Variants in GPC5 observed in about 807,000 individuals in gnomAD.
The protein encoded by GPC5 is glypican-5.
In GPC5, 47 loss-of-function variants were observed where a neutral mutation model predicts 53.9. That is an observed-to-expected ratio of 0.87 (90% CI 0.69 to 1.11). The LOEUF (loss-of-function observed/expected upper bound fraction) is 1.11. Ranked by LOEUF, GPC5 falls within the 50% of genes most tolerant of loss-of-function variation. The probability of loss-of-function intolerance (pLI) is 0.00; values close to 1 mark genes in which losing one functional copy is unlikely to be tolerated. For missense variants in GPC5, 748 were observed against 713.1 expected, an observed-to-expected ratio of 1.05 and a Z score of -0.56; for synonymous variants, 286 against 263.3, an observed-to-expected ratio of 1.09 and a Z score of -0.84.
At chr13:92,780,878 A>T (rs1418425196) in intron 7 of GPC5, among the ~76,000 whole-genome samples, 2 of 152,080 alleles carry the variant, frequency 1.3e-5, no homozygotes, top group South Asian at 2.1e-4. Flanking sequence ...AGCATAAAAA[A>T]TTCCCTAAAT....
chr13:92,386,285 A>G (rs16947520), intron 7 of GPC5, among the ~76,000 whole-genome samples: 2,427 of 152,148 alleles, frequency 0.016, 73 homozygotes, highest in African/African-American at 0.056. Context: ...ACCTTTTGCA[A>G]AACTAAACTT....
At chr13:92,393,483 C>T (rs1313564951) in intron 7 of GPC5, among the ~76,000 whole-genome samples, 1 of 152,082 alleles carries the variant, frequency 6.6e-6, no homozygotes, top group African/African-American at 2.4e-5. Context: ...AACCCTGTCT[C>T]TACTAAAAAT....
intron 4 of GPC5, among the ~76,000 whole-genome samples, chr13:91,748,916 A>T (rs1312752183): frequency 6.6e-6 from 1 of 152,078 alleles, no homozygotes; most frequent in Non-Finnish European, 1.5e-5. Context: ...ATGCGTGTAT[A>T]GGTGTGTGGG....
chr13:92,241,842 T>G (rs548638818), intron 7 of GPC5: 1 of 152,296 alleles, frequency 6.6e-6, no homozygotes, highest in South Asian at 2.1e-4. Flanking sequence ...ACTAGCTCCT[T>G]AAAAGAAATT....
chr13:92,757,274 C>A (rs1347387708), intron 7 of GPC5, among the ~76,000 whole-genome samples: 1 of 152,132 alleles, frequency 6.6e-6, no homozygotes, highest in African/African-American at 2.4e-5. Context: ...AACTGGCTAG[C>A]CATATGTAGA....
intron 7 of GPC5, among the ~76,000 whole-genome samples, chr13:92,416,118 TA>T (rs1876277872): frequency 6.6e-6 from 1 of 152,210 alleles, no homozygotes; most frequent in Non-Finnish European, 1.5e-5. Context: ...TGAATACTGC[TA>T]AGAGGCTTTC....
chr13:92,398,214 G>A (rs1875375933), intron 7 of GPC5, among the ~76,000 whole-genome samples: 1 of 151,580 alleles, frequency 6.6e-6, no homozygotes, highest in Admixed American at 6.6e-5. Flanking sequence ...CGGATCACGA[G>A]GTCAGGAGAT....
At chr13:91,652,259 G>A (rs1043981610) in intron 2 of GPC5, among the ~76,000 whole-genome samples, 1 of 151,502 alleles carries the variant, frequency 6.6e-6, no homozygotes, top group African/African-American at 2.4e-5. Flanking sequence ...TGTAAACTGA[G>A]GTGCACAAGC....
chr13:91,764,038 TA>T (rs538443532), intron 5 of GPC5, among the ~76,000 whole-genome samples: 44 of 152,332 alleles, frequency 2.9e-4, no homozygotes, highest in South Asian at 1.2e-3. Context: ...TATTTTTATA[TA>T]TTTTTTTCTT....
At chr13:91,822,923 ATAT>A (rs2038519242) in intron 5 of GPC5, among the ~76,000 whole-genome samples, 1 of 152,028 alleles carries the variant, frequency 6.6e-6, no homozygotes, top group African/African-American at 2.4e-5. Context: ...TATTAAATTA[ATAT>A]TATTCTCCTG....
intron 7 of GPC5, among the ~76,000 whole-genome samples, chr13:92,808,696 G>T (rs1340047531): frequency 6.6e-6 from 1 of 152,002 alleles, no homozygotes; most frequent in Non-Finnish European, 1.5e-5. Context: ...TGCAGCTCTA[G>T]AACATAAAAT....
chr13:92,242,232 C>CA (rs752173365), intron 7 of GPC5, among the ~76,000 whole-genome samples: 12,175 of 81,596 alleles, frequency 0.15, 1,094 homozygotes, highest in African/African-American at 0.3. Flanking sequence ...GACTCTGTCT[C>CA]AAAAAAAAAA....
intron 2 of GPC5, among the ~76,000 whole-genome samples, chr13:91,490,963 C>T (rs1201415758): frequency 6.6e-6 from 1 of 152,148 alleles, no homozygotes; most frequent in Non-Finnish European, 1.5e-5. Context: ...CCCCTTCCCC[C>T]ACCATAGGTC....
intron 7 of GPC5, chr13:92,340,424 A>T: frequency 6.6e-6 from 1 of 152,194 alleles, no homozygotes; most frequent in East Asian, 1.9e-4. Context: ...GAATCTCTCT[A>T]TGTCATCCGG....
In GPC5 at chr13:91,656,982, G is replaced by A. The variant is rs539294319; in HGVS notation, c.326-36205G>A. On this transcript the variant is annotated intron_variant, in intron 2 of 7. Coordinates refer to ENST00000377067, the MANE Select transcript of GPC5 (RefSeq NM_004466.6). ...AGGGTTTGTAATGGGAGAGACCTGG[G>A]AACAATCCAGGCTCTACTTCTTATT... Among the ~76,000 whole-genome samples the A allele has an allele frequency of 1.3e-4, 20 of 152,244 alleles. No homozygotes were observed. The South Asian group carries it at 3.9e-3, about 30-fold the overall frequency.
chr13:91,644,220 C>A (rs2034504422), intron 2 of GPC5, among the ~76,000 whole-genome samples: 1 of 152,082 alleles, frequency 6.6e-6, no homozygotes, highest in South Asian at 2.1e-4. Context: ...TATATGCAGG[C>A]ATTTTTCTAA....
rs1484191226 is a variant in GPC5 at position 92,751,302 on chromosome 13, TTAA to T, written c.1562-114979_1562-114977del. Among the ~76,000 whole-genome samples, 66 of 34,416 alleles carry T rather than the reference TTAA, an allele frequency of 1.9e-3. 2 individuals are homozygous for T. Among genetic ancestry groups the T allele is most frequent in the Admixed American group, 5.8e-3 (15 of 2,590 alleles). 22.6% of individuals were successfully genotyped at this position (34,416 alleles called of 152,430 possible). Reference sequence around the variant, plus strand: ...AAAACCTTTGGTCATCCAGAAACATTTAAAAAAAAAAAAAAAAAAAAAAAAAAA... The same window carrying T: ...AAAACCTTTGGTCATCCAGAAACATTAAAAAAAAAAAAAAAAAAAAAAAAA... On this transcript the variant is annotated intron_variant, in intron 7 of 7. Transcript: ENST00000377067.
intron 6 of GPC5, among the ~76,000 whole-genome samples, chr13:91,991,605 C>T (rs1437627782): frequency 2.0e-5 from 3 of 151,996 alleles, no homozygotes; most frequent in Non-Finnish European, 4.4e-5. Context: ...CACACATTTT[C>T]CCGTAAACAT....
chr13:92,598,388 AT>A lies in GPC5; in HGVS notation c.1562-267883del, dbSNP rs1285423016. On this transcript the variant is annotated intron_variant, in intron 7 of 7. Coordinates refer to ENST00000377067, the MANE Select transcript of GPC5 (RefSeq NM_004466.6). ...TCATGTGTTTGGAATGTCAGATCAA[AT>A]TTTTTTTTTTACGTTGTATCTGACT... Among the ~76,000 whole-genome samples the A allele has an allele frequency of 8.0e-3, 1,191 of 148,638 alleles. 15 individuals are homozygous for A. Among genetic ancestry groups the A allele is most frequent in the African/African-American group, 0.026 (1,071 of 40,698 alleles).
Sources: gnomAD v4.1 joint callset for allele counts (sites outside exome capture counted in the v4.1 genomes callset) on GRCh38, gnomAD v4.1.1 for gene constraint, MANE v1.5 for transcripts, NCBI Gene and HGNC (gene_info 2026-07-23, HGNC 2026-07-21) for gene names.